MOSMO: variants seen among roughly 807,000 people sequenced by gnomAD.
MOSMO encodes modulator of smoothened protein.
Under a neutral mutation model 18.4 loss-of-function variants are expected in MOSMO, and 5 were observed. That is an observed-to-expected ratio of 0.27 (90% CI 0.14 to 0.57). MOSMO has a LOEUF of 0.57. Among genes scored for constraint, MOSMO ranks in the 20% least tolerant of loss-of-function variants. The pLI, the probability that MOSMO is intolerant of heterozygous loss-of-function variation, is 0.92. For synonymous variants in MOSMO, 82 were observed against 82.3 expected (o/e 1.00, Z 0.02); for missense variants, 138 against 211.8 (o/e 0.65, Z 2.16).
At chr16:22,063,235 A>G (rs1248348846) in intron 1 of MOSMO, among the ~76,000 whole-genome samples, 1 of 152,212 alleles carries the variant, frequency 6.6e-6, no homozygotes, top group African/African-American at 2.4e-5. Flanking sequence ...CAACACATAC[A>G]TGACTAAATG....
chr16:22,020,451 C>T (rs892784238), intron 1 of MOSMO, among the ~76,000 whole-genome samples: 8 of 151,590 alleles, frequency 5.3e-5, no homozygotes, highest in African/African-American at 1.7e-4. Flanking sequence ...TGCGCCACCA[C>T]GCCCAGCTAA....
chr16:22,026,903 G>A (rs1027293880), intron 1 of MOSMO, among the ~76,000 whole-genome samples: 2 of 151,724 alleles, frequency 1.3e-5, no homozygotes, highest in African/African-American at 2.4e-5. Flanking sequence ...TAAAGTATTC[G>A]TGTAGCAAGT....
At chr16:22,056,584 A>C (rs931139722) in intron 1 of MOSMO, among the ~76,000 whole-genome samples, 1 of 151,130 alleles carries the variant, frequency 6.6e-6, no homozygotes, top group Non-Finnish European at 1.5e-5. Context: ...GGGTTTCTCC[A>C]TGTTGGTCAG....
At chr16:22,037,800 T>C (rs1900136857) in intron 1 of MOSMO, among the ~76,000 whole-genome samples, 1 of 152,170 alleles carries the variant, frequency 6.6e-6, no homozygotes, top group African/African-American at 2.4e-5. Context: ...GGCGGGAAGC[T>C]TCCGTGCCCT....
intron 1 of MOSMO, among the ~76,000 whole-genome samples, chr16:22,066,161 C>T (rs1900743146): frequency 6.6e-6 from 1 of 152,142 alleles, no homozygotes; most frequent in Non-Finnish European, 1.5e-5. Context: ...AAGCCCCATC[C>T]CCAGAGAATT....
intron 2 of MOSMO, among the ~76,000 whole-genome samples, chr16:22,077,263 G>C (rs370828409): frequency 2.0e-5 from 3 of 152,164 alleles, no homozygotes; most frequent in Non-Finnish European, 4.4e-5. Flanking sequence ...ATGAGCTATA[G>C]ATTCTTATGA....
chr16:22,018,528 T>A (rs1267960617), intron 1 of MOSMO, among the ~76,000 whole-genome samples: 1 of 152,192 alleles, frequency 6.6e-6, no homozygotes, highest in African/African-American at 2.4e-5. Flanking sequence ...ATGAATATTT[T>A]AAAAATCTTC....
intron 1 of MOSMO, among the ~76,000 whole-genome samples, chr16:22,051,313 G>A (rs1208198651): frequency 6.6e-6 from 1 of 151,910 alleles, no homozygotes; most frequent in African/African-American, 2.4e-5. Flanking sequence ...ACTTGAACCT[G>A]GGAGGTAGAA....
At chr16:22,076,017 C>A in intron 2 of MOSMO, 1 of 270,870 alleles carries the variant, frequency 3.7e-6, no homozygotes, top group Non-Finnish European at 7.2e-6. Context: ...CTTCTTGAAG[C>A]TATTGGTATC....
intron 1 of MOSMO, among the ~76,000 whole-genome samples, chr16:22,016,229 C>T (rs1289316723): frequency 2.0e-5 from 3 of 152,032 alleles, no homozygotes; most frequent in Non-Finnish European, 4.4e-5. Context: ...TTTGATTTTT[C>T]AGCTATAAAA....
Position 22,075,687 on chromosome 16 carries a change from G to A in MOSMO, c.307G>A (p.Ala103Thr). 6.5e-7 allele frequency: 1 copy of A among 1,537,026 alleles called. No homozygotes were observed. Residue 103 changes from alanine (A) to threonine (T), a missense_variant, in exon 2 of 3, where the codon GCA becomes ACA. Physicochemically the swap from Ala to Thr is moderately conservative, Grantham distance 58. Coordinates refer to ENST00000542527, the MANE Select transcript of MOSMO (RefSeq NM_001164579.2). ...REATKYARWI[A>T]FTGMILFCMA... Reference sequence around the variant, plus strand: ...AGCTACAAAATATGCTCGATGGATAGCATTCACTGGAAGTAAGTAACCTGT... The same window carrying A: ...AGCTACAAAATATGCTCGATGGATAACATTCACTGGAAGTAAGTAACCTGT...
At chr16:22,077,993 TA>T (rs539652348) in intron 2 of MOSMO, among the ~76,000 whole-genome samples, 86 of 152,244 alleles carry the variant, frequency 5.6e-4, no homozygotes, top group African/African-American at 2.0e-3. Context: ...CATAATAATG[TA>T]AGGGTGATAT....
At chr16:22,047,643 C>T (rs1314218932) in intron 1 of MOSMO, among the ~76,000 whole-genome samples, 1 of 152,118 alleles carries the variant, frequency 6.6e-6, no homozygotes, top group African/African-American at 2.4e-5. Context: ...GTTTCTTTTT[C>T]CCTATATGCA....
intron 1 of MOSMO, among the ~76,000 whole-genome samples, chr16:22,011,257 C>G (rs138497640): frequency 6.6e-6 from 1 of 152,042 alleles, no homozygotes; most frequent in African/African-American, 2.4e-5. Context: ...GTGAATTTTC[C>G]AAGTGTTCTT....
Position 22,083,185 on chromosome 16 carries a change from G to A in MOSMO, c.*2305G>A, listed in dbSNP as rs1901113640. On this transcript the variant is annotated 3_prime_UTR_variant, in exon 3 of 3. Coordinates refer to ENST00000542527, the MANE Select transcript of MOSMO (RefSeq NM_001164579.2). ...ATATTTTTAACTGGATCATGAGCAT[G>A]GGGAGAGAAAGTTTCTCAGCTGCTA... 1 of 152,256 alleles carries A rather than the reference G, an allele frequency of 6.6e-6. No individual in the cohort carries two copies. Among genetic ancestry groups the A allele is most frequent in the African/African-American group, 2.4e-5 (1 of 41,430 alleles). 9.4% of individuals were successfully genotyped at this position (152,256 alleles called of 1,614,324 possible). A position where few individuals can be genotyped will look rare whatever the true frequency, so the allele number is the denominator to read the frequency against.
chr16:22,077,459 A>T (rs1238420352), intron 2 of MOSMO, among the ~76,000 whole-genome samples: 1 of 152,142 alleles, frequency 6.6e-6, no homozygotes, highest in Non-Finnish European at 1.5e-5. Flanking sequence ...AACCATGTGA[A>T]ATCATATTTG....
intron 1 of MOSMO, among the ~76,000 whole-genome samples, chr16:22,024,834 T>C (rs1899842903): frequency 6.6e-6 from 1 of 152,138 alleles, no homozygotes; most frequent in African/African-American, 2.4e-5. Flanking sequence ...CAGGACAGAC[T>C]GTAGAGCCTA....
intron 1 of MOSMO, among the ~76,000 whole-genome samples, chr16:22,031,827 G>A (rs1488830188): frequency 6.6e-6 from 1 of 152,132 alleles, no homozygotes; most frequent in Non-Finnish European, 1.5e-5. Context: ...CCATGTACAG[G>A]TTTTTGCATG....
chr16:22,065,708 T>C (rs1242655662), intron 1 of MOSMO, among the ~76,000 whole-genome samples: 1 of 152,230 alleles, frequency 6.6e-6, no homozygotes, highest in African/African-American at 2.4e-5. Context: ...TATCTCATTA[T>C]CTTGTTTAAT....
Sources: allele counts gnomAD v4.1 joint callset (sites outside exome capture counted in the v4.1 genomes callset), GRCh38; gene constraint gnomAD v4.1.1; transcripts MANE v1.5; gene names NCBI Gene and HGNC (gene_info 2026-07-23, HGNC 2026-07-21).